Variants in NALF1 observed in about 807,000 individuals in gnomAD.
The protein encoded by NALF1 is NALCN channel auxiliary factor 1.
In NALF1, 3 loss-of-function variants were observed where a neutral mutation model predicts 48.4. The ratio of observed to expected loss-of-function variants is 0.06; its 90% CI spans 0.03 to 0.16. The LOEUF is 0.16. NALF1 is among the 10% of genes least tolerant of loss of function. The pLI is 1.00. For synonymous variants in NALF1, 262 were observed against 245.7 expected, an observed-to-expected ratio of 1.07 and a Z score of -0.62; for missense variants, 526 against 571.5, an observed-to-expected ratio of 0.92 and a Z score of 0.81.
At chr13:107,614,053 T>C (rs533169153) in intron 1 of NALF1, among the ~76,000 whole-genome samples, 1 of 152,212 alleles carries the variant, frequency 6.6e-6, no homozygotes. Context: ...TGTTCATCTG[T>C]AATATTTCTT....
intron 1 of NALF1, among the ~76,000 whole-genome samples, chr13:107,719,197 T>A (rs991141505): frequency 6.6e-6 from 1 of 152,240 alleles, no homozygotes; most frequent in Non-Finnish European, 1.5e-5. Context: ...CTAATGAAAA[T>A]CTGCTGAATA....
chr13:107,302,333 G>GCAACAGAAAACAGACTAAGA (rs1449270108), intron 1 of NALF1, among the ~76,000 whole-genome samples: 8 of 152,128 alleles, frequency 5.3e-5, no homozygotes, highest in Non-Finnish European at 8.8e-5. Context: ...TCTGTTATGA[G>GCAACAGAAAACAGACTAAGA]CAACAGAAAA....
In NALF1 at chr13:107,866,674, A is replaced by G; in HGVS notation, c.-78T>C. Reference sequence around the variant, plus strand: ...GTGTCACCACAATATGCATTGACTTAAAGGGTTTAATTTCCTTATCCCCTC... The same window carrying G: ...GTGTCACCACAATATGCATTGACTTGAAGGGTTTAATTTCCTTATCCCCTC... On this transcript the variant is annotated 5_prime_UTR_variant, in exon 1 of 3. Coordinates refer to ENST00000375915, the MANE Select transcript of NALF1 (RefSeq NM_001080396.3). The surrounding 1 kb of genome is among the most constrained non-coding windows in gnomAD (Gnocchi z 4.4). 2 of 1,229,878 alleles carry G rather than the reference A, an allele frequency of 1.6e-6. No homozygotes were observed. Among genetic ancestry groups the G allele is most frequent in the African/African-American group, 1.5e-5 (1 of 66,118 alleles). The allele number at this position is 1,229,878 out of a possible 1,614,324, so 76.2% of individuals were successfully genotyped here. A position where few individuals can be genotyped will look rare whatever the true frequency, so the allele number is the denominator to read the frequency against.
intron 1 of NALF1, among the ~76,000 whole-genome samples, chr13:107,678,023 T>C (rs369208736): frequency 3.6e-4 from 55 of 152,334 alleles, no homozygotes; most frequent in African/African-American, 1.3e-3. Flanking sequence ...GCCCAAAATC[T>C]TTTCAGTTAA....
At chr13:107,678,903 T>A (rs558331222) in intron 1 of NALF1, among the ~76,000 whole-genome samples, 117 of 152,182 alleles carry the variant, frequency 7.7e-4, no homozygotes, top group Non-Finnish European at 1.6e-3. Context: ...GGGATTACAA[T>A]TCAAGATGAG....
intron 1 of NALF1, among the ~76,000 whole-genome samples, chr13:107,705,535 ATAG>A (rs1426797501): frequency 6.6e-6 from 1 of 152,016 alleles, no homozygotes; most frequent in African/African-American, 2.4e-5. Context: ...TATGTATATA[ATAG>A]TCCAAGTTTT....
chr13:107,839,115 A>G (rs1300950578), intron 1 of NALF1, among the ~76,000 whole-genome samples: 1 of 151,980 alleles, frequency 6.6e-6, no homozygotes. Flanking sequence ...AGAAAAAAAT[A>G]TATTTGCTAT....
intron 1 of NALF1, among the ~76,000 whole-genome samples, chr13:107,294,045 TG>T (rs2138885562): frequency 6.6e-6 from 1 of 152,312 alleles, no homozygotes; most frequent in Non-Finnish European, 1.5e-5. Context: ...TTTCCTTAAC[TG>T]TGAGATAAAC....
chr13:107,325,873 TATATATATATATATAC>T (rs1282321368), intron 1 of NALF1, among the ~76,000 whole-genome samples: 39 of 98,154 alleles, frequency 4.0e-4, no homozygotes, highest in African/African-American at 9.4e-4. Flanking sequence ...TATATATATA[TATATATATATATATAC>T]ACACACACAC....
rs565494549 is a variant in NALF1 at position 107,220,537 on chromosome 13, AATCT to A, written c.916-9786_916-9783del. Among the ~76,000 whole-genome samples, 20 of 152,382 alleles carry A rather than the reference AATCT, an allele frequency of 1.3e-4. No individual in the cohort carries two copies. The East Asian group carries it at 3.9e-3, about 29-fold the overall frequency. On this transcript the variant is annotated intron_variant, in intron 1 of 2. Transcript: ENST00000375915. ...AGGACTGGCTGCCTAGGTACCATCC[AATCT>A]GTCTGTTAATCCCACATTTTTCACT...
chr13:107,848,962 G>A (rs1880243489), intron 1 of NALF1, among the ~76,000 whole-genome samples: 2 of 152,076 alleles, frequency 1.3e-5, no homozygotes, highest in South Asian at 4.1e-4. Flanking sequence ...TCACATAATG[G>A]AGAATCATTC....
At position 107,643,909 on chromosome 13, in the gene NALF1, G is replaced by A. The variant is rs112924389; in HGVS notation, c.915+221773C>T. The stretch of plus-strand genomic sequence containing the variant: ...ATCAGCTAGATTTTCCATTGAGAGA[G>A]AGAAGTTGAGAGTCAGGAGACTGAA... On this transcript the variant is annotated intron_variant, in intron 1 of 2. Transcript: ENST00000375915. Among the ~76,000 whole-genome samples the A allele has an allele frequency of 4.5e-3, 682 of 151,232 alleles. 6 individuals carry two copies. The highest frequency in any genetic ancestry group is 0.015 in the African/African-American group (606 of 41,154).
chr13:107,760,212 T>C lies in NALF1; in HGVS notation c.915+105470A>G, dbSNP rs531342897. Among the ~76,000 whole-genome samples the C allele has an allele frequency of 3.3e-5, 5 of 152,294 alleles. No homozygotes were observed. The South Asian group carries it at 6.2e-4, about 19-fold the overall frequency. On this transcript the variant is annotated intron_variant, in intron 1 of 2. Coordinates refer to ENST00000375915, the MANE Select transcript of NALF1 (RefSeq NM_001080396.3). ...TTCTCCTTTTTTTCAGAGGGATATG[T>C]TTGATTTTCACATGTATACATGCAT...
intron 1 of NALF1, among the ~76,000 whole-genome samples, chr13:107,486,155 G>A (rs1331533302): frequency 6.6e-6 from 1 of 152,116 alleles, no homozygotes; most frequent in Non-Finnish European, 1.5e-5. Context: ...TTGAGTGCTC[G>A]AAATATTTAT....
intron 1 of NALF1, among the ~76,000 whole-genome samples, chr13:107,737,349 A>G (rs1203740421): frequency 2.6e-5 from 4 of 152,194 alleles, no homozygotes; most frequent in Non-Finnish European, 4.4e-5. Flanking sequence ...ATTATTTTAA[A>G]TAGTTTTATT....
At chr13:107,311,602 A>G (rs1882047708) in intron 1 of NALF1, among the ~76,000 whole-genome samples, 1 of 151,546 alleles carries the variant, frequency 6.6e-6, no homozygotes, top group South Asian at 2.1e-4. Flanking sequence ...CTAAATCATC[A>G]CAATAGAGTT....
chr13:107,263,449 G>A (rs1014674968), intron 1 of NALF1, among the ~76,000 whole-genome samples: 3 of 151,994 alleles, frequency 2.0e-5, no homozygotes, highest in East Asian at 1.9e-4. Context: ...ATACGGTTTG[G>A]CTGTGGCCCC....
At chr13:107,195,254 C>T (rs1879365970) in intron 2 of NALF1, among the ~76,000 whole-genome samples, 1 of 152,180 alleles carries the variant, frequency 6.6e-6, no homozygotes, top group African/African-American at 2.4e-5. Flanking sequence ...CCAAAACCCA[C>T]ATGTACCCTA....
At chr13:107,451,764 C>A (rs922233347) in intron 1 of NALF1, among the ~76,000 whole-genome samples, 3 of 152,112 alleles carry the variant, frequency 2.0e-5, no homozygotes, top group Non-Finnish European at 4.4e-5. Flanking sequence ...AATTTTGCAC[C>A]CTCTTTGTCT....
Sources: allele counts gnomAD v4.1 joint callset (sites outside exome capture counted in the v4.1 genomes callset), GRCh38; gene constraint gnomAD v4.1.1; non-coding constraint Gnocchi (gnomAD v3.1); transcripts MANE v1.5; gene names NCBI Gene and HGNC (gene_info 2026-07-23, HGNC 2026-07-21).